Variants in DGKB observed in about 807,000 individuals in gnomAD.
DGKB encodes 90 kDa diacylglycerol kinase.
DGKB carries 67 observed loss-of-function variants against 114.3 expected under a neutral mutation model. That is an observed-to-expected ratio of 0.59 (90% CI 0.48 to 0.72). The LOEUF (loss-of-function observed/expected upper bound fraction) is 0.72. Among genes scored for constraint, DGKB ranks in the 30% least tolerant of loss-of-function variants. DGKB has a pLI of 0.00. For missense variants in DGKB, 907 were observed against 975.2 expected (o/e 0.93, Z 0.93); for synonymous variants, 398 against 323.1 (o/e 1.23, Z -2.49).
At chr7:14,955,669 T>A (rs1323606874) in intron 1 of DGKB, among the ~76,000 whole-genome samples, 1 of 152,014 alleles carries the variant, frequency 6.6e-6, no homozygotes, top group African/African-American at 2.4e-5. Flanking sequence ...AAGAAATGCT[T>A]GAAAACTTGA....
chr7:14,633,706 G>T (rs1288160526), intron 13 of DGKB, among the ~76,000 whole-genome samples: 3 of 151,582 alleles, frequency 2.0e-5, no homozygotes, highest in African/African-American at 7.2e-5. Flanking sequence ...TTTTTAATCA[G>T]AATTAATACA....
chr7:14,758,884 A>AATAGATAGATAGATAG (rs76875239), intron 2 of DGKB, among the ~76,000 whole-genome samples: 42 of 145,180 alleles, frequency 2.9e-4, no homozygotes, highest in East Asian at 4.1e-4. Flanking sequence ...TGTGTGAAAC[A>AATAGATAGATAGATAG]ATAGATAGAT....
At chr7:14,809,660 A>G (rs891866473) in intron 2 of DGKB, among the ~76,000 whole-genome samples, 2 of 152,116 alleles carry the variant, frequency 1.3e-5, no homozygotes, top group African/African-American at 4.8e-5. Context: ...TATCTTTGGC[A>G]TAATTAACTT....
intron 20 of DGKB, among the ~76,000 whole-genome samples, chr7:14,544,226 G>A (rs186587885): frequency 2.3e-4 from 35 of 152,192 alleles, no homozygotes; most frequent in Non-Finnish European, 4.0e-4. Flanking sequence ...AAATGTTCTC[G>A]CTTTTGTAGG....
Position 14,651,451 on chromosome 7 carries a change from C to T in DGKB, c.1135-21183G>A, listed in dbSNP as rs1290186657. Among the ~76,000 whole-genome samples the T allele has an allele frequency of 1.0e-4, 15 of 147,126 alleles. No homozygotes were observed. The East Asian group carries it at 1.8e-3, about 17-fold the overall frequency. On this transcript the variant is annotated intron_variant, in intron 13 of 25. Transcript: ENST00000402815. ...AGGCCTTTGACAAAATTCAACAACCCTTCATGCTAAAAACTCTCAATAAAT... is the reference window on the plus strand; with the variant it reads ...AGGCCTTTGACAAAATTCAACAACCTTTCATGCTAAAAACTCTCAATAAAT...
chr7:14,213,607 C>A (rs958264234), intron 23 of DGKB, among the ~76,000 whole-genome samples: 1 of 152,148 alleles, frequency 6.6e-6, no homozygotes, highest in African/African-American at 2.4e-5. Flanking sequence ...TCCTATGATG[C>A]AAACCATTGC....
chr7:14,198,548 C>T (rs979613889), intron 23 of DGKB, among the ~76,000 whole-genome samples: 6 of 152,026 alleles, frequency 3.9e-5, no homozygotes, highest in Admixed American at 6.6e-5. Flanking sequence ...AAGAGAAACC[C>T]ATGGCTTACA....
intron 23 of DGKB, among the ~76,000 whole-genome samples, chr7:14,196,813 C>A (rs1033632161): frequency 1.3e-5 from 2 of 151,726 alleles, no homozygotes; most frequent in African/African-American, 4.8e-5. Flanking sequence ...AAAAAATAAG[C>A]CCTTGTATAT....
At chr7:14,432,105 G>A (rs1278599419) in intron 21 of DGKB, among the ~76,000 whole-genome samples, 1 of 152,176 alleles carries the variant, frequency 6.6e-6, no homozygotes, top group East Asian at 1.9e-4. Context: ...AGACTTCAGT[G>A]TAACAGCATC....
chr7:14,750,789 A>ATTT (rs1833986870), intron 4 of DGKB, among the ~76,000 whole-genome samples: 7 of 85,052 alleles, frequency 8.2e-5, no homozygotes, highest in Admixed American at 1.3e-4. Context: ...AGCTATTTCT[A>ATTT]TTTCTTTTTT....
intron 20 of DGKB, among the ~76,000 whole-genome samples, chr7:14,509,418 C>A (rs997643498): frequency 1.3e-4 from 20 of 152,188 alleles, no homozygotes; most frequent in African/African-American, 4.8e-4. Flanking sequence ...GATAACACTC[C>A]CTTGAAGCAG....
intron 21 of DGKB, among the ~76,000 whole-genome samples, chr7:14,458,258 T>C (rs1281024547): frequency 6.6e-6 from 1 of 152,176 alleles, no homozygotes; most frequent in Non-Finnish European, 1.5e-5. Flanking sequence ...ATTTAATAAA[T>C]TCTTATGACT....
intron 13 of DGKB, among the ~76,000 whole-genome samples, chr7:14,644,274 C>T (rs1347499041): frequency 6.6e-6 from 1 of 152,162 alleles, no homozygotes; most frequent in Non-Finnish European, 1.5e-5. Context: ...ACAGCTATAT[C>T]AGAGATGTAG....
chr7:14,329,159 T>C (rs1283886453), intron 23 of DGKB, among the ~76,000 whole-genome samples: 3 of 151,992 alleles, frequency 2.0e-5, no homozygotes, highest in Non-Finnish European at 4.4e-5. Flanking sequence ...CTAGTTGCTT[T>C]GTTTAATTCA....
intron 5 of DGKB, among the ~76,000 whole-genome samples, chr7:14,723,719 TTAAAA>T (rs1829604247): frequency 6.6e-6 from 1 of 152,190 alleles, no homozygotes; most frequent in Non-Finnish European, 1.5e-5. Context: ...TTTATTTCTG[TTAAAA>T]TAAGTTCATT....
intron 23 of DGKB, among the ~76,000 whole-genome samples, chr7:14,189,970 C>T (rs1175363487): frequency 6.6e-6 from 1 of 151,968 alleles, no homozygotes; most frequent in Non-Finnish European, 1.5e-5. Flanking sequence ...GGGATTACAC[C>T]CACTTTCAAC....
At chr7:14,554,263 G>C (rs532183444) in intron 20 of DGKB, among the ~76,000 whole-genome samples, 1 of 152,252 alleles carries the variant, frequency 6.6e-6, no homozygotes, top group African/African-American at 2.4e-5. Context: ...CTACTGTTGA[G>C]TGTTGTAAGA....
chr7:14,725,635 C>A (rs993575296), intron 5 of DGKB, among the ~76,000 whole-genome samples: 3 of 151,710 alleles, frequency 2.0e-5, no homozygotes, highest in East Asian at 1.9e-4. Context: ...ACAACCTCCA[C>A]CTCCAGGGTT....
intron 23 of DGKB, among the ~76,000 whole-genome samples, chr7:14,299,945 T>C (rs1224858622): frequency 1.3e-5 from 2 of 152,110 alleles, no homozygotes; most frequent in African/African-American, 4.8e-5. Flanking sequence ...AAACCTTGTA[T>C]GTAGCACCAT....
Sources: allele counts gnomAD v4.1 joint callset (sites outside exome capture counted in the v4.1 genomes callset), GRCh38; gene constraint gnomAD v4.1.1; transcripts MANE v1.5; gene names NCBI Gene and HGNC (gene_info 2026-07-23, HGNC 2026-07-21).